The following SLC7A11 variants were observed in gnomAD, a reference collection of about 807,000 sequenced individuals.
SLC7A11 encodes the protein solute carrier family 7 member 11.
SLC7A11 carries 35 observed loss-of-function variants against 54.5 expected under a neutral mutation model. The ratio of observed to expected loss-of-function variants is 0.64; its 90% CI spans 0.49 to 0.85. The LOEUF (loss-of-function observed/expected upper bound fraction) is 0.85. Ranked by LOEUF, SLC7A11 falls within the 40% of genes least tolerant of loss-of-function variation. The pLI is 0.00. For synonymous variants in SLC7A11, 230 were observed against 225.2 expected (o/e 1.02, Z -0.19); for missense variants, 583 against 618.1 (o/e 0.94, Z 0.60).
intron 7 of SLC7A11, among the ~76,000 whole-genome samples, chr4:138,184,853 A>G (rs1405970690): frequency 1.3e-5 from 2 of 152,150 alleles, no homozygotes; most frequent in East Asian, 3.9e-4. Context: ...ACATGCTGGG[A>G]GAATAAGCTT....
intron 6 of SLC7A11, among the ~76,000 whole-genome samples, chr4:138,190,985 T>C (rs986577643): frequency 2.6e-5 from 4 of 152,194 alleles, no homozygotes; most frequent in African/African-American, 9.7e-5. Context: ...ACTCTAGTTT[T>C]CTACTGAGTG....
intron 6 of SLC7A11, among the ~76,000 whole-genome samples, chr4:138,191,818 A>G (rs4863541): frequency 0.37 from 55,717 of 151,630 alleles, 10,653 homozygotes; most frequent in Middle Eastern, 0.51. Context: ...CTAAAGACTT[A>G]GAGTTTGTCT....
chr4:138,202,968 A>T (rs1436721104), intron 6 of SLC7A11, among the ~76,000 whole-genome samples: 2 of 152,106 alleles, frequency 1.3e-5, no homozygotes, highest in African/African-American at 2.4e-5. Flanking sequence ...AGAATACGAA[A>T]TGAGTAAAAT....
chr4:138,180,910 A>G (rs895998207), intron 9 of SLC7A11, 120 bp from the exon 10 acceptor site: 4 of 913,570 alleles, frequency 4.4e-6, no homozygotes, highest in Admixed American at 2.9e-5. Flanking sequence ...ATAAATTATC[A>G]TCATAGTTAA....
At chr4:138,210,288 A>G (rs1458303928) in intron 6 of SLC7A11, among the ~76,000 whole-genome samples, 1 of 151,972 alleles carries the variant, frequency 6.6e-6, no homozygotes, top group Non-Finnish European at 1.5e-5. Context: ...AACTCTAAAA[A>G]CCCAAGAAGA....
chr4:138,241,796 A>G lies in SLC7A11; in HGVS notation c.274T>C (p.Phe92Leu), dbSNP rs1298622851. ...IWTVCGVLSL[F>L]GALSYAELGT... is the part of the protein sequence containing the mutation. ...CGAGAGAAAAAGTCGCACTCACCAAATAGTGACAGGACCCCACACACCGTC... is the reference window on the plus strand; with the variant it reads ...CGAGAGAAAAAGTCGCACTCACCAAGTAGTGACAGGACCCCACACACCGTC... The change falls in exon 1 of 12, where the codon TTT (phenylalanine) becomes CTT (leucine). Residue 92 changes from phenylalanine to leucine, a missense_variant. Coordinates refer to ENST00000280612, the MANE Select transcript of SLC7A11 (RefSeq NM_014331.4). 6.2e-7 allele frequency: 1 copy of G among 1,612,616 alleles called. No homozygotes were observed. Among genetic ancestry groups the G allele is most frequent in the Non-Finnish European group, 8.5e-7 (1 of 1,178,786 alleles).
At chr4:138,228,393 A>G (rs1348173027) in intron 3 of SLC7A11, among the ~76,000 whole-genome samples, 1 of 152,178 alleles carries the variant, frequency 6.6e-6, no homozygotes, top group Non-Finnish European at 1.5e-5. Flanking sequence ...TATTTTAAAT[A>G]TTGAGCATAC....
At chr4:138,232,480 T>C in intron 2 of SLC7A11, 98 bp from the exon 3 acceptor site, 1 of 672,916 alleles carries the variant, frequency 1.5e-6, no homozygotes, top group Non-Finnish European at 2.6e-6. Flanking sequence ...ATGGAACATG[T>C]TAAATATGAA....
At chr4:138,230,879 A>T (rs1160886743) in intron 3 of SLC7A11, among the ~76,000 whole-genome samples, 1 of 152,182 alleles carries the variant, frequency 6.6e-6, no homozygotes, top group African/African-American at 2.4e-5. Context: ...AGCACCACCA[A>T]CAACATGCTA....
At chr4:138,204,454 T>C (rs1323140966) in intron 6 of SLC7A11, among the ~76,000 whole-genome samples, 1 of 152,086 alleles carries the variant, frequency 6.6e-6, no homozygotes, top group Non-Finnish European at 1.5e-5. Flanking sequence ...AAAAATTATC[T>C]GGGAGTGGAC....
At chr4:138,190,416 T>C (rs891002227) in intron 6 of SLC7A11, among the ~76,000 whole-genome samples, 4 of 152,160 alleles carry the variant, frequency 2.6e-5, no homozygotes, top group Non-Finnish European at 5.9e-5. Flanking sequence ...AAGTACCTTT[T>C]GATTCAAAGC....
rs1400584009 is a variant in SLC7A11, at chr4:138,180,651, C to T, written c.1256G>A (p.Arg419His). 1.4e-5 allele frequency: 22 copies of T among 1,612,568 alleles called. No homozygotes were observed. Among genetic ancestry groups the T allele is most frequent in the East Asian group, 2.2e-5 (1 of 44,748 alleles). Residue 419 changes from arginine to histidine, a missense_variant, in exon 10 of 12, where the codon CGT becomes CAT. Transcript: ENST00000280612. ...GATTGCTGAGGTTACCTTGAAAGGA[C>T]GATGCATATCTGGGCATTTGTATCG... ...YLRYKCPDMH[R>H]PFKVPLFIPA...
intron 6 of SLC7A11, among the ~76,000 whole-genome samples, chr4:138,208,092 G>A (rs1737452972): frequency 6.6e-6 from 1 of 152,036 alleles, no homozygotes; most frequent in Admixed American, 6.6e-5. Flanking sequence ...TCACTTCTTC[G>A]AGGTTTTCAT....
intron 6 of SLC7A11, among the ~76,000 whole-genome samples, chr4:138,197,820 G>T (rs1737177221): frequency 6.6e-6 from 1 of 151,502 alleles, no homozygotes; most frequent in East Asian, 1.9e-4. Context: ...TATAGTAATT[G>T]GTTGATATAT....
intron 6 of SLC7A11, among the ~76,000 whole-genome samples, chr4:138,202,367 T>C (rs954367887): frequency 2.0e-5 from 3 of 152,068 alleles, no homozygotes; most frequent in East Asian, 1.9e-4. Context: ...TCAGATGTAA[T>C]AACTAAGTTT....
intron 5 of SLC7A11, among the ~76,000 whole-genome samples, chr4:138,215,861 T>C (rs1461117286): frequency 6.6e-6 from 1 of 152,188 alleles, no homozygotes; most frequent in Non-Finnish European, 1.5e-5. Flanking sequence ...AGCCAGTTCC[T>C]TCCTAACAGT....
Position 138,180,738 on chromosome 4 carries a change from T to C in SLC7A11, c.1169A>G (p.Asn390Ser), listed in dbSNP as rs772692022. The change falls in exon 10 of 12, where the codon AAT (asparagine) becomes AGT (serine). Residue 390 changes from asparagine (N) to serine (S), a missense_variant. Transcript: ENST00000280612. ...LFSGDLDSLL[N>S]FLSFARWLFI... is the part of the protein sequence containing the mutation. ...AAGCCACCTGGCAAAACTGAGGAAA[T>C]TCAAAAGACTGTCGAGGTCTCCAGA... 1 of 1,612,896 alleles carries C rather than the reference T, an allele frequency of 6.2e-7. No homozygotes were observed. Among genetic ancestry groups the C allele is most frequent in the South Asian group, 1.1e-5 (1 of 91,046 alleles).
At chr4:138,221,327 T>A (rs1560735478) in intron 4 of SLC7A11, among the ~76,000 whole-genome samples, 1 of 152,146 alleles carries the variant, frequency 6.6e-6, no homozygotes, top group African/African-American at 2.4e-5. Flanking sequence ...CTCTCATAAG[T>A]GAATACATAA....
At chr4:138,238,888 C>G (rs147397916) in intron 1 of SLC7A11, among the ~76,000 whole-genome samples, 37 of 152,260 alleles carry the variant, frequency 2.4e-4, no homozygotes, top group African/African-American at 8.4e-4. Flanking sequence ...TAGGCATGAG[C>G]CACCATGCTC....
Sources: allele counts gnomAD v4.1 joint callset (sites outside exome capture counted in the v4.1 genomes callset), GRCh38; gene constraint gnomAD v4.1.1; transcripts MANE v1.5; gene names NCBI Gene and HGNC (gene_info 2026-07-23, HGNC 2026-07-21).